NOX4: variants seen among roughly 807,000 people sequenced by gnomAD.
The protein encoded by NOX4 is kidney oxidase-1.
A neutral mutation model predicts 87.6 loss-of-function variants in NOX4; 69 were observed. The ratio of observed to expected loss-of-function variants is 0.79; its 90% CI spans 0.65 to 0.96. NOX4 has a LOEUF of 0.96. Ranked by LOEUF, NOX4 falls within the 40% of genes least tolerant of loss-of-function variation. NOX4 has a pLI of 0.00. For missense variants in NOX4, 680 were observed against 681.5 expected (o/e 1.00, Z 0.02); for synonymous variants, 275 against 238.2 (o/e 1.15, Z -1.42).
At chr11:89,473,530 G>A (rs1946037483) in intron 2 of NOX4, among the ~76,000 whole-genome samples, 1 of 151,366 alleles carries the variant, frequency 6.6e-6, no homozygotes, top group African/African-American at 2.4e-5. Context: ...ATTTTAATCA[G>A]ACTATCCATA....
the NOX4 span, among the ~76,000 whole-genome samples, chr11:89,567,589 G>C: frequency 1.3e-5 from 2 of 152,192 alleles, no homozygotes; most frequent in African/African-American, 4.8e-5. Context: ...GCAGAAGAGA[G>C]AATGAGTGCA....
At chr11:89,490,575 G>C (rs1946810249) in intron 1 of NOX4, 22 bp from the exon 2 acceptor site, 1 of 1,562,852 alleles carries the variant, frequency 6.4e-7, no homozygotes, top group Admixed American at 1.7e-5. Context: ...AGACATGAGA[G>C]ACAGAAAACA....
At chr11:89,399,971 G>A in intron 11 of NOX4, 46 bp downstream of exon 11, 1 of 1,416,360 alleles carries the variant, frequency 7.1e-7, no homozygotes, top group African/African-American at 1.4e-5. Context: ...AGAAAAATAT[G>A]CATAGCACCC....
At chr11:89,353,669 T>C (rs1937751035) in intron 13 of NOX4, among the ~76,000 whole-genome samples, 1 of 152,112 alleles carries the variant, frequency 6.6e-6, no homozygotes, top group Non-Finnish European at 1.5e-5. Flanking sequence ...GGTATTCCTG[T>C]AGCTGCAAAT....
chr11:89,364,053 T>C (rs368416015), intron 12 of NOX4, among the ~76,000 whole-genome samples: 7 of 152,050 alleles, frequency 4.6e-5, no homozygotes, highest in African/African-American at 1.7e-4. Flanking sequence ...GAGACCAGCC[T>C]GGGCAACACA....
At chr11:89,551,240 C>T in the NOX4 span, among the ~76,000 whole-genome samples, 1 of 152,160 alleles carries the variant, frequency 6.6e-6, no homozygotes, top group Non-Finnish European at 1.5e-5. Context: ...AGCGTGATGC[C>T]TCCAACTTCA....
At chr11:89,589,192 A>G in the NOX4 span, among the ~76,000 whole-genome samples, 1 of 151,752 alleles carries the variant, frequency 6.6e-6, no homozygotes, top group South Asian at 2.1e-4. Context: ...CTTTTTAAGG[A>G]CTCTGGAGCA....
At chr11:89,381,997 C>T (rs564428843) in intron 11 of NOX4, among the ~76,000 whole-genome samples, 55 of 152,280 alleles carry the variant, frequency 3.6e-4, no homozygotes, top group African/African-American at 1.2e-3. Context: ...GCACCAGTCA[C>T]GGACTCGGCA....
chr11:89,544,972 C>T, the NOX4 span, among the ~76,000 whole-genome samples: 1 of 152,082 alleles, frequency 6.6e-6, no homozygotes, highest in Non-Finnish European at 1.5e-5. Context: ...TAACCAAGTC[C>T]AGATGCTCAG....
chr11:89,460,537 G>A (rs1352372212), intron 2 of NOX4, among the ~76,000 whole-genome samples: 1 of 152,180 alleles, frequency 6.6e-6, no homozygotes, highest in African/African-American at 2.4e-5. Context: ...CATTTATGCA[G>A]CCAAAAGACA....
the NOX4 span, among the ~76,000 whole-genome samples, chr11:89,584,377 C>T: frequency 1.3e-5 from 2 of 152,154 alleles, no homozygotes; most frequent in Non-Finnish European, 2.9e-5. Flanking sequence ...TATACACATG[C>T]ATGACATTTT....
chr11:89,402,327 T>C lies in NOX4; in HGVS notation c.845A>G (p.Gln282Arg). 6.2e-7 allele frequency: 1 copy of C among 1,610,392 alleles called. No homozygotes were observed. Among genetic ancestry groups the C allele is most frequent in the Non-Finnish European group, 8.5e-7 (1 of 1,176,992 alleles). ...GATCAAACACAAAATTAATCTGACCTGTGGAAAATTAGCTTGGAATCTGGG... is the reference window on the plus strand; with the variant it reads ...GATCAAACACAAAATTAATCTGACCCGTGGAAAATTAGCTTGGAATCTGGG... ...EEPRFQANFP[Q>R]TWLWISGPLC... Residue 282 changes from glutamine to arginine, a missense_variant and splice_region_variant, in exon 9 of 18, where the codon CAG (glutamine) becomes CGG (arginine). Transcript: ENST00000263317.
intron 2 of NOX4, among the ~76,000 whole-genome samples, chr11:89,485,558 A>AT (rs1946558681): frequency 6.6e-6 from 1 of 152,166 alleles, no homozygotes; most frequent in Non-Finnish European, 1.5e-5. Flanking sequence ...AAGAGCTCCT[A>AT]TAAATGGTGT....
chr11:89,394,932 T>G (rs1941371415), intron 11 of NOX4, among the ~76,000 whole-genome samples: 1 of 152,190 alleles, frequency 6.6e-6, no homozygotes, highest in South Asian at 2.1e-4. Context: ...TTCCAAGTCT[T>G]TGCTATTGTG....
At chr11:89,443,195 G>T (rs1182028958) in intron 5 of NOX4, among the ~76,000 whole-genome samples, 1 of 152,038 alleles carries the variant, frequency 6.6e-6, no homozygotes, top group Non-Finnish European at 1.5e-5. Context: ...ATCAAAAGTT[G>T]CTGGCTATTT....
At chr11:89,337,622 T>C (rs932528500) in intron 15 of NOX4, 107 bp from the exon 16 acceptor site, 1 of 1,452,800 alleles carries the variant, frequency 6.9e-7, no homozygotes, top group African/African-American at 1.4e-5. Flanking sequence ...ACCTAGCTTA[T>C]CATAGTCAAT....
intron 13 of NOX4, among the ~76,000 whole-genome samples, chr11:89,354,605 G>T (rs181285347): frequency 6.6e-6 from 1 of 152,120 alleles, no homozygotes; most frequent in Non-Finnish European, 1.5e-5. Flanking sequence ...ATGAATCCTT[G>T]CATTTAAAGG....
At chr11:89,384,966 G>A (rs1940585351) in intron 11 of NOX4, among the ~76,000 whole-genome samples, 1 of 151,954 alleles carries the variant, frequency 6.6e-6, no homozygotes, top group Non-Finnish European at 1.5e-5. Flanking sequence ...TTTATCGATG[G>A]CAGTTCCACC....
At chr11:89,564,767 T>C in the NOX4 span, among the ~76,000 whole-genome samples, 3 of 144,298 alleles carry the variant, frequency 2.1e-5, no homozygotes, top group African/African-American at 7.7e-5. Context: ...TTTTTTTTAA[T>C]AGTTTCCCAT....
Sources: gnomAD v4.1 joint callset for allele counts (sites outside exome capture counted in the v4.1 genomes callset) on GRCh38, gnomAD v4.1.1 for gene constraint, MANE v1.5 for transcripts, NCBI Gene and HGNC (gene_info 2026-07-23, HGNC 2026-07-21) for gene names.